MTRF1: variants seen among roughly 807,000 people sequenced by gnomAD.
MTRF1 encodes the protein peptide chain release factor 1, mitochondrial.
Under a neutral mutation model 62.9 loss-of-function variants are expected in MTRF1, and 51 were observed. That is an observed-to-expected ratio of 0.81 (90% CI 0.65 to 1.02). The LOEUF (loss-of-function observed/expected upper bound fraction) is 1.02, where lower values mean the gene tolerates loss of function less well. Among genes scored for constraint, MTRF1 ranks in the 50% least tolerant of loss-of-function variants. The probability of loss-of-function intolerance (pLI) is 0.00; values close to 1 mark genes in which losing one functional copy is unlikely to be tolerated. For synonymous variants in MTRF1, 158 were observed against 181.9 expected, an observed-to-expected ratio of 0.87 and a Z score of 1.06; for missense variants, 446 against 530.0, an observed-to-expected ratio of 0.84 and a Z score of 1.56.
chr13:41,253,168 G>A (rs1441541487), intron 3 of MTRF1, 138 bp from the exon 4 acceptor site: 2 of 621,994 alleles, frequency 3.2e-6, no homozygotes, highest in Non-Finnish European at 5.5e-6. Context: ...TTCCAAAAAT[G>A]CTATAATAAG....
the MTRF1 span, among the ~76,000 whole-genome samples, chr13:41,304,243 T>G: frequency 6.6e-6 from 1 of 152,194 alleles, no homozygotes; most frequent in South Asian, 2.1e-4. Context: ...ATTGGCCAAT[T>G]CTTCAAAATA....
the MTRF1 span, among the ~76,000 whole-genome samples, chr13:41,277,666 T>C: frequency 3.4e-4 from 52 of 152,284 alleles, 2 homozygotes; most frequent in East Asian, 6.8e-3. Flanking sequence ...AACTCTGTCC[T>C]TTTGGGGTTT....
intron 7 of MTRF1, among the ~76,000 whole-genome samples, chr13:41,232,381 C>A (rs1374028532): frequency 6.6e-6 from 1 of 152,016 alleles, no homozygotes; most frequent in African/African-American, 2.4e-5. Flanking sequence ...GGTCTAATAT[C>A]TAACTAATAG....
At chr13:41,230,558 C>T (rs1482656699) in intron 7 of MTRF1, among the ~76,000 whole-genome samples, 5 of 147,392 alleles carry the variant, frequency 3.4e-5, no homozygotes, top group East Asian at 2.0e-4. Context: ...GCCACTGCAC[C>T]GGGCCTTTTT....
At chr13:41,241,135 C>T (rs946994538) in intron 5 of MTRF1, among the ~76,000 whole-genome samples, 2 of 152,138 alleles carry the variant, frequency 1.3e-5, no homozygotes, top group African/African-American at 4.8e-5. Context: ...ACCTCTGCCT[C>T]CTGGGTTCAA....
Position 41,260,874 on chromosome 13 carries a change from G to A in MTRF1, c.34C>T (p.His12Tyr). The A allele has an allele frequency of 1.2e-6, 2 of 1,609,922 alleles. No individual in the cohort carries two copies. The highest frequency in any genetic ancestry group is 1.7e-5 in the Admixed American group (1 of 59,778). Reference protein sequence around the residue: ...NRHLCVWLFRHPSLNGYLQCH... With the variant: ...NRHLCVWLFRYPSLNGYLQCH... ...TGGAGGTAACCATTAAGAGATGGAT[G>A]TCTAAAAAGCCAAACACACAGGTGA... The change falls in exon 2 of 10, where the codon CAT (histidine) becomes TAT (tyrosine). Residue 12 changes from histidine (H) to tyrosine (Y), a missense_variant. Transcript: ENST00000379480.
chr13:41,220,119 G>C (rs2032955781), intron 9 of MTRF1, among the ~76,000 whole-genome samples: 1 of 151,604 alleles, frequency 6.6e-6, no homozygotes, highest in African/African-American at 2.4e-5. Flanking sequence ...CTTGAGGCCA[G>C]GAGTTCGAGA....
At chr13:41,285,403 G>C in the MTRF1 span, among the ~76,000 whole-genome samples, 1 of 152,112 alleles carries the variant, frequency 6.6e-6, no homozygotes. Flanking sequence ...TGACATTTTT[G>C]GTGTAGCTGG....
intron 7 of MTRF1, among the ~76,000 whole-genome samples, chr13:41,231,640 C>T (rs1169194726): frequency 6.6e-6 from 1 of 152,148 alleles, no homozygotes; most frequent in Non-Finnish European, 1.5e-5. Flanking sequence ...CTAACTGCTC[C>T]ACAGTGGAAC....
rs1166204914 is a variant in MTRF1 at position 41,249,619 on chromosome 13, C to CTTTTTTTT, written c.697+3018_697+3025dup. 4.1e-3 allele frequency among the ~76,000 whole-genome samples: 254 copies of CTTTTTTTT among 61,548 alleles called. 17 individuals are homozygous for CTTTTTTTT. The highest frequency in any genetic ancestry group is 4.3e-3 in the Non-Finnish European group (162 of 37,292). The allele number at this position is 61,548 out of a possible 152,430, so 40.4% of individuals were successfully genotyped here. A position where few individuals can be genotyped will look rare whatever the true frequency, so the allele number is the denominator to read the frequency against. On this transcript the variant is annotated intron_variant, in intron 5 of 9. Coordinates refer to ENST00000379480, the MANE Select transcript of MTRF1 (RefSeq NM_004294.4). ...TATTCTTAGTCTTTGATTTTTTTTT[C>CTTTTTTTT]TTTTTTTTTTTTTTTTTTTTTTTTT...
chr13:41,285,783 C>T, the MTRF1 span, among the ~76,000 whole-genome samples: 1 of 152,030 alleles, frequency 6.6e-6, no homozygotes, highest in Non-Finnish European at 1.5e-5. Flanking sequence ...CTGCCTCCAG[C>T]CCAATGGGAA....
chr13:41,293,581 A>G, the MTRF1 span, among the ~76,000 whole-genome samples: 7 of 152,342 alleles, frequency 4.6e-5, no homozygotes, highest in Non-Finnish European at 8.8e-5. Context: ...CTGGCTTATC[A>G]GCAAAATACC....
the MTRF1 span, among the ~76,000 whole-genome samples, chr13:41,285,526 G>A: frequency 6.6e-5 from 10 of 152,186 alleles, no homozygotes; most frequent in Non-Finnish European, 1.2e-4. Context: ...GGATGCTACA[G>A]ACGAGTTCCT....
intron 8 of MTRF1, among the ~76,000 whole-genome samples, chr13:41,224,696 C>T (rs927309513): frequency 1.3e-5 from 2 of 152,094 alleles, no homozygotes; most frequent in African/African-American, 4.8e-5. Flanking sequence ...ATCAGTGGAA[C>T]CAGGATTGGG....
intron 2 of MTRF1, among the ~76,000 whole-genome samples, chr13:41,256,809 C>G (rs2039789417): frequency 6.6e-6 from 1 of 152,166 alleles, no homozygotes; most frequent in Non-Finnish European, 1.5e-5. Context: ...TAGAATCCGT[C>G]TAATTCAATT....
chr13:41,218,194 CA>C (rs2032316552), intron 9 of MTRF1, among the ~76,000 whole-genome samples: 1 of 151,674 alleles, frequency 6.6e-6, no homozygotes, highest in Admixed American at 6.6e-5. Flanking sequence ...CGGCTCACTG[CA>C]ACCTCTGCCT....
chr13:41,307,192 C>G, the MTRF1 span, among the ~76,000 whole-genome samples: 1 of 152,080 alleles, frequency 6.6e-6, no homozygotes, highest in Non-Finnish European at 1.5e-5. Context: ...TTTGTGCCCC[C>G]CCCACCCCAA....
At chr13:41,299,298 C>T in the MTRF1 span, among the ~76,000 whole-genome samples, 2 of 152,156 alleles carry the variant, frequency 1.3e-5, no homozygotes, top group African/African-American at 4.8e-5. Flanking sequence ...TTTTGTCCTA[C>T]TCTTGCAGAG....
intron 8 of MTRF1, among the ~76,000 whole-genome samples, chr13:41,225,158 G>T (rs2034141471): frequency 6.9e-6 from 1 of 144,070 alleles, no homozygotes. Flanking sequence ...GTTGCAGTGA[G>T]CCAAGATCGT....
Sources: gnomAD v4.1 joint callset for allele counts (sites outside exome capture counted in the v4.1 genomes callset) on GRCh38, gnomAD v4.1.1 for gene constraint, MANE v1.5 for transcripts, NCBI Gene and HGNC (gene_info 2026-07-23, HGNC 2026-07-21) for gene names.